The following SELENOI variants were observed in gnomAD, a reference collection of about 807,000 sequenced individuals.
SELENOI encodes the protein selenoprotein I, also known as ethanolaminephosphotransferase 1.
SELENOI carries 24 observed loss-of-function variants against 50.7 expected under a neutral mutation model. The ratio of observed to expected loss-of-function variants is 0.47; its 90% CI spans 0.34 to 0.67. SELENOI has a LOEUF of 0.67. SELENOI is among the 30% of genes least tolerant of loss of function. The probability of loss-of-function intolerance (pLI) is 0.01; values close to 1 mark genes in which losing one functional copy is unlikely to be tolerated. For missense variants in SELENOI, 352 were observed against 461.4 expected, an observed-to-expected ratio of 0.76 and a Z score of 2.17; for synonymous variants, 155 against 170.2, an observed-to-expected ratio of 0.91 and a Z score of 0.70.
rs780178576 is a variant in SELENOI, at chr2:26,367,170, A to T, written c.260A>T (p.Asp87Val). Residue 87 changes from aspartate to valine, a missense_variant, in exon 4 of 10, where the codon GAC (aspartate) becomes GTC (valine). Transcript: ENST00000260585. ...GCACCAGGTCACAAGCACGTGCCTG[A>T]CTGGGTTTGGATTGTAGTGGGCATC... ...ASAPGHKHVPDWVWIVVGILN... is the reference protein window; with the variant it reads ...ASAPGHKHVPVWVWIVVGILN... 2 of 1,611,066 alleles carry T rather than the reference A, an allele frequency of 1.2e-6. No individual in the cohort carries two copies. The highest frequency in any genetic ancestry group is 1.7e-6 in the Non-Finnish European group (2 of 1,178,602).
rs751077528 is a variant in SELENOI at position 26,394,970 on chromosome 2, G to A, written c.*5867G>A. 6.6e-6 allele frequency: 1 copy of A among 152,218 alleles called. No individual in the cohort carries two copies. Among genetic ancestry groups the A allele is most frequent in the African/African-American group, 2.4e-5 (1 of 41,446 alleles). The allele number at this position is 152,218 out of a possible 1,614,324, so 9.4% of individuals were successfully genotyped here. ...GGAACCTAGAAACAACACCGCTTGA[G>A]CAACTGGAATATGTTTGCTGCAAGC... On this transcript the variant is annotated 3_prime_UTR_variant, in exon 10 of 10. Transcript: ENST00000260585. This position sits in a 1 kb window ranked among gnomAD's most constrained non-coding sequence, Gnocchi z 4.1.
chr2:26,362,162 C>T (rs996723394), intron 1 of SELENOI, among the ~76,000 whole-genome samples: 1 of 151,920 alleles, frequency 6.6e-6, no homozygotes, highest in Admixed American at 6.5e-5. Context: ...CTCCACCTCC[C>T]GGGTTCACGC....
chr2:26,364,903 G>C lies in SELENOI; in HGVS notation c.198G>C (p.Leu66=). The change falls in exon 3 of 10, where the codon CTG becomes CTC. Residue 66 remains leucine (L), a synonymous_variant. Coordinates refer to ENST00000260585, the MANE Select transcript of SELENOI (RefSeq NM_033505.4). ...TTCTGCTGGTCGTATTCAATTTTCT[G>C]CTAATGGCATACTTTGATCCTGACT... ...SGFLLVVFNF[L]LMAYFDPDFY... is the part of the protein sequence containing the mutation. The C allele has an allele frequency of 6.2e-7, 1 of 1,609,680 alleles. No homozygotes were observed. The highest frequency in any genetic ancestry group is 8.5e-7 in the Non-Finnish European group (1 of 1,177,926).
intron 1 of SELENOI, among the ~76,000 whole-genome samples, chr2:26,362,886 A>G (rs1677211715): frequency 6.6e-6 from 1 of 152,186 alleles, no homozygotes; most frequent in Non-Finnish European, 1.5e-5. Flanking sequence ...CTAGGCTAAT[A>G]TTACCTAGTT....
At position 26,394,404 on chromosome 2, in the gene SELENOI, A is replaced by G. The variant is rs1336231262; in HGVS notation, c.*5301A>G. 6.7e-6 allele frequency: 1 copy of G among 149,646 alleles called. No individual in the cohort carries two copies. The highest frequency in any genetic ancestry group is 6.6e-5 in the Admixed American group (1 of 15,098). The allele number at this position is 149,646 out of a possible 1,614,324, so 9.3% of individuals were successfully genotyped here. ...CAAGACTCCATCTCAAAAAATAATA[A>G]TAAAAATAAACAAATCTGTTTAAAT... On this transcript the variant is annotated 3_prime_UTR_variant, in exon 10 of 10. Transcript: ENST00000260585. This position sits in a 1 kb window ranked among gnomAD's most constrained non-coding sequence, Gnocchi z 4.1.
At chr2:26,366,043 C>T (rs1271462049) in intron 3 of SELENOI, among the ~76,000 whole-genome samples, 1 of 152,136 alleles carries the variant, frequency 6.6e-6, no homozygotes, top group Non-Finnish European at 1.5e-5. Context: ...TCAAATGATC[C>T]ACCCGCCTTG....
chr2:26,377,916 G>T (rs576940775), intron 6 of SELENOI, among the ~76,000 whole-genome samples: 136 of 152,050 alleles, frequency 8.9e-4, no homozygotes, highest in African/African-American at 3.1e-3. Context: ...TATATTTGTG[G>T]AGACTATAAT....
intron 4 of SELENOI, among the ~76,000 whole-genome samples, chr2:26,368,459 A>G (rs868557546): frequency 7.9e-5 from 12 of 152,170 alleles, no homozygotes; most frequent in Non-Finnish European, 5.9e-5. Flanking sequence ...TTTTCTGGCA[A>G]AAACCCTGGT....
chr2:26,390,571 T>A lies in SELENOI; in HGVS notation c.*1468T>A, dbSNP rs1677942799. On this transcript the variant is annotated 3_prime_UTR_variant, in exon 10 of 10. Transcript: ENST00000260585. ...GTAAAAAATAACTGTAATTGATATT[T>A]CATTTTTAAAATTTATAAATTCCAA... 1 of 152,656 alleles carries A rather than the reference T, an allele frequency of 6.6e-6. No homozygotes were observed. The highest frequency in any genetic ancestry group is 1.9e-4 in the East Asian group (1 of 5,208). 9.5% of individuals were successfully genotyped at this position (152,656 alleles called of 1,614,324 possible).
At chr2:26,355,011 A>G (rs1474061303) in intron 1 of SELENOI, among the ~76,000 whole-genome samples, 1 of 152,266 alleles carries the variant, frequency 6.6e-6, no homozygotes, top group Non-Finnish European at 1.5e-5. Flanking sequence ...GATACTTAGC[A>G]GGTAACTTAA....
intron 1 of SELENOI, among the ~76,000 whole-genome samples, chr2:26,355,287 C>T (rs1183774643): frequency 6.6e-6 from 1 of 152,236 alleles, no homozygotes; most frequent in Non-Finnish European, 1.5e-5. Context: ...ACGTAATGGA[C>T]AGCTGGAAAG....
intron 4 of SELENOI, among the ~76,000 whole-genome samples, chr2:26,370,636 A>G (rs79746335): frequency 7.0e-5 from 3 of 42,594 alleles, no homozygotes; most frequent in African/African-American, 2.3e-4. Flanking sequence ...CCTCCCTCCC[A>G]GACGGGGCGG....
At position 26,364,945 on chromosome 2, in the gene SELENOI, G is replaced by C. The variant is rs1677256771; in HGVS notation, c.235+5G>C. 1 of 1,537,984 alleles carries C rather than the reference G, an allele frequency of 6.5e-7. No individual in the cohort carries two copies. The stretch of plus-strand genomic sequence containing the variant: ...ATCCTGACTTTTATGCCTCAGGTAA[G>C]AATATTACTTTATTATAAAATTTAA... On this transcript the variant is annotated splice_donor_5th_base_variant and intron_variant, in intron 3 of 9. Coordinates refer to ENST00000260585, the MANE Select transcript of SELENOI (RefSeq NM_033505.4).
At chr2:26,361,756 C>G (rs1322736215) in intron 1 of SELENOI, among the ~76,000 whole-genome samples, 3 of 151,866 alleles carry the variant, frequency 2.0e-5, no homozygotes, top group African/African-American at 7.3e-5. Context: ...TTGGTTCAAA[C>G]GATTCTCCTG....
chr2:26,367,034 A>G, intron 3 of SELENOI, 112 bp from the exon 4 acceptor site: 1 of 899,562 alleles, frequency 1.1e-6, no homozygotes, highest in Non-Finnish European at 1.6e-6. Flanking sequence ...TATATTGTAA[A>G]GTACTTTAAC....
rs993778545 is a variant in SELENOI, at chr2:26,373,294, C to T, written c.311-73C>T. 6.0e-6 allele frequency: 9 copies of T among 1,498,308 alleles called. No homozygotes were observed. The African/African-American group carries it at 1.1e-4, about 19-fold the overall frequency. 92.8% of individuals were successfully genotyped at this position (1,498,308 alleles called of 1,614,324 possible). A position where few individuals can be genotyped will look rare whatever the true frequency, so the allele number is the denominator to read the frequency against. The stretch of plus-strand genomic sequence containing the variant: ...AGCTGATTTGTTTTGTTTTTTCCTC[C>T]AGTTTATTAAAGAAGACTTTCTCCA... On this transcript the variant is annotated intron_variant, in intron 4 of 9. Coordinates refer to ENST00000260585, the MANE Select transcript of SELENOI (RefSeq NM_033505.4).
At chr2:26,367,612 G>A (rs772992609) in intron 4 of SELENOI, among the ~76,000 whole-genome samples, 3 of 152,010 alleles carry the variant, frequency 2.0e-5, no homozygotes, top group Admixed American at 6.6e-5. Context: ...TTTATCATGC[G>A]GCCTTTAAAA....
intron 1 of SELENOI, among the ~76,000 whole-genome samples, chr2:26,351,785 T>C (rs1221353061): frequency 1.3e-5 from 2 of 152,172 alleles, no homozygotes; most frequent in Non-Finnish European, 2.9e-5. Flanking sequence ...GGAGGGTCTT[T>C]AGCAAATTCC....
chr2:26,386,001 G>C (rs1206170320), intron 8 of SELENOI, among the ~76,000 whole-genome samples: 3 of 152,074 alleles, frequency 2.0e-5, no homozygotes, highest in East Asian at 3.8e-4. Flanking sequence ...TAATTGTGTG[G>C]GGGTGTGGGA....
Sources: allele counts gnomAD v4.1 joint callset (sites outside exome capture counted in the v4.1 genomes callset), GRCh38; gene constraint gnomAD v4.1.1; non-coding constraint Gnocchi (gnomAD v3.1); transcripts MANE v1.5; gene names NCBI Gene and HGNC (gene_info 2026-07-23, HGNC 2026-07-21).